Variants in PCDH19 observed in about 807,000 individuals in gnomAD.
PCDH19 encodes protocadherin-19.
A neutral mutation model predicts 46.2 loss-of-function variants in PCDH19; 6 were observed. That is an observed-to-expected ratio of 0.13 (90% CI 0.07 to 0.26). The LOEUF is 0.26. PCDH19 is among the 10% of genes least tolerant of loss of function. The pLI is 1.00. For synonymous variants in PCDH19, 481 were observed against 415.7 expected, an observed-to-expected ratio of 1.16 and a Z score of -1.91; for missense variants, 740 against 972.3, an observed-to-expected ratio of 0.76 and a Z score of 3.18.
chrX:100,296,491 T>C lies in PCDH19; in HGVS notation c.3233A>G (p.Lys1078Arg). The change falls in exon 6 of 6, where the codon AAG becomes AGG. Residue 1078 changes from lysine to arginine, a missense_variant. Transcript: ENST00000373034. ...GGCAATGGTGTAAGACACGGAAGGCTTGGTGGGCAGAGAGCTCTTGAGGTG... is the reference window on the plus strand; with the variant it reads ...GGCAATGGTGTAAGACACGGAAGGCCTGGTGGGCAGAGAGCTCTTGAGGTG... ...PLHLKSSLPT[K>R]PSVSYTIALA... is the part of the protein sequence containing the mutation. 1 of 1,210,831 alleles carries C rather than the reference T, an allele frequency of 8.3e-7. No individual in the cohort carries two copies. Among genetic ancestry groups the C allele is most frequent in the South Asian group, 1.8e-5 (1 of 56,904 alleles).
At chrX:100,362,598 C>T (rs1245183780) in intron 3 of PCDH19, among the ~76,000 whole-genome samples, 2 of 107,186 alleles carry the variant, frequency 1.9e-5, no homozygotes, top group East Asian at 5.9e-4. Flanking sequence ...TTGAGACCAT[C>T]CTGGCTAATA....
intron 3 of PCDH19, among the ~76,000 whole-genome samples, chrX:100,402,011 T>G (rs1198684054): frequency 8.9e-6 from 1 of 112,287 alleles, no homozygotes; most frequent in Non-Finnish European, 1.9e-5. Flanking sequence ...TTGCTTTGCC[T>G]CCCTTTAACC....
At chrX:100,380,128 C>CT (rs1426014740) in intron 3 of PCDH19, among the ~76,000 whole-genome samples, 2 of 112,319 alleles carry the variant, frequency 1.8e-5, no homozygotes, top group African/African-American at 6.5e-5. Context: ...CCTCTTTCCA[C>CT]TTTTTTAACG....
At chrX:100,313,987 G>A (rs773706116) in intron 5 of PCDH19, among the ~76,000 whole-genome samples, 20 of 110,484 alleles carry the variant, frequency 1.8e-4, no homozygotes, top group Admixed American at 3.9e-4. Context: ...GGACATTGGC[G>A]AATGGTTTTA....
At position 100,407,956 on chromosome X, in the gene PCDH19, G is replaced by C; in HGVS notation, c.642C>G (p.Gly214=). The part of the protein sequence containing the change: ...YSFRITALDG[G]DPPRLGTVGL... ...CAACGGTGCCCAGGCGCGGCGGGTC[G>C]CCACCGTCTAGCGCAGTGATTCGGA... The change falls in exon 1 of 6, where the codon GGC becomes GGG. Residue 214 remains glycine (G), a synonymous_variant. Transcript: ENST00000373034. 1 of 1,209,524 alleles carries C rather than the reference G, an allele frequency of 8.3e-7. No homozygotes were observed. Among genetic ancestry groups the C allele is most frequent in the Non-Finnish European group, 1.1e-6 (1 of 895,608 alleles).
At chrX:100,356,341 C>G (rs1203104574) in intron 3 of PCDH19, among the ~76,000 whole-genome samples, 1 of 111,502 alleles carries the variant, frequency 9.0e-6, no homozygotes, top group African/African-American at 3.3e-5. Flanking sequence ...TAACTGCTGA[C>G]TTCCAATAAT....
intron 5 of PCDH19, among the ~76,000 whole-genome samples, chrX:100,305,680 T>A (rs1924923740): frequency 9.0e-6 from 1 of 111,478 alleles, no homozygotes; most frequent in Non-Finnish European, 1.9e-5. Context: ...GAGACTCAAC[T>A]AACACATAGG....
chrX:100,349,491 T>C (rs1353406521), intron 4 of PCDH19, among the ~76,000 whole-genome samples: 2 of 111,996 alleles, frequency 1.8e-5, no homozygotes, highest in Admixed American at 9.5e-5. Context: ...AAACTTAGCA[T>C]GTTTTAGGGG....
intron 4 of PCDH19, among the ~76,000 whole-genome samples, chrX:100,345,186 GTTA>G (rs1479809057): frequency 9.0e-6 from 1 of 111,202 alleles, no homozygotes; most frequent in Admixed American, 9.6e-5. Flanking sequence ...TCCATAAATG[GTTA>G]TTGTTTAATA....
chrX:100,395,584 G>C (rs1373591919), intron 3 of PCDH19, among the ~76,000 whole-genome samples: 1 of 113,117 alleles, frequency 8.8e-6, no homozygotes, highest in African/African-American at 3.2e-5. Flanking sequence ...CATTACTGTA[G>C]AGTGGAAACA....
At chrX:100,325,457 C>T (rs903935537) in intron 5 of PCDH19, among the ~76,000 whole-genome samples, 1 of 107,090 alleles carries the variant, frequency 9.3e-6, no homozygotes, top group Non-Finnish European at 1.9e-5. Flanking sequence ...GCAACCTCCA[C>T]CTCCTGGGTT....
intron 3 of PCDH19, among the ~76,000 whole-genome samples, chrX:100,393,037 A>C (rs1026648789): frequency 1.8e-5 from 2 of 111,651 alleles, no homozygotes. Flanking sequence ...TGCCCAAAAG[A>C]AACAAAAAGA....
chrX:100,371,891 A>C (rs1057146179), intron 3 of PCDH19, among the ~76,000 whole-genome samples: 28 of 92,048 alleles, frequency 3.0e-4, no homozygotes, highest in Admixed American at 2.9e-3. Context: ...CACCCACACA[A>C]AACTTAAAAA....
intron 4 of PCDH19, among the ~76,000 whole-genome samples, chrX:100,343,087 T>C (rs1326501687): frequency 8.9e-6 from 1 of 111,759 alleles, no homozygotes; most frequent in Non-Finnish European, 1.9e-5. Context: ...GTTTGTTCTC[T>C]GCCTTACTGC....
In PCDH19 at chrX:100,342,543, TG is replaced by T. The variant is rs1171681096; in HGVS notation, c.2676-469del. Among the ~76,000 whole-genome samples, 3 of 111,558 alleles carry T rather than the reference TG, an allele frequency of 2.7e-5. No individual in the cohort carries two copies. The East Asian group carries it at 8.4e-4, about 31-fold the overall frequency. On this transcript the variant is annotated intron_variant, in intron 4 of 5. Coordinates refer to ENST00000373034, the MANE Select transcript of PCDH19 (RefSeq NM_001184880.2). ...TGCTACTAATATTCTCATTTGCAGA[TG>T]AAAAAAAACAGAGGTACATGGAAGT...
chrX:100,363,886 T>TGTGTGAGAGA lies in PCDH19; in HGVS notation c.2617-13183_2617-13182insTCTCTCACAC, dbSNP rs1207488480. Among the ~76,000 whole-genome samples, 349 of 98,035 alleles carry TGTGTGAGAGA rather than the reference T, an allele frequency of 3.6e-3. 5 individuals are homozygous for TGTGTGAGAGA. Among genetic ancestry groups the TGTGTGAGAGA allele is most frequent in the Middle Eastern group, 0.017 (3 of 172 alleles). The allele number at this position is 98,035 out of a possible 115,157, so 85.1% of individuals were successfully genotyped here. On this transcript the variant is annotated intron_variant, in intron 3 of 5. Coordinates refer to ENST00000373034, the MANE Select transcript of PCDH19 (RefSeq NM_001184880.2). ...GTGTGTGTGTGTGTGTGTGTGTGTG[T>TGTGTGAGAGA]GAGAGAGAGGGAGAGGGAGAGAGAA...
At chrX:100,365,130 TG>T (rs200694658) in intron 3 of PCDH19, among the ~76,000 whole-genome samples, 29,167 of 110,509 alleles carry the variant, frequency 0.26, 3,144 homozygotes, top group Middle Eastern at 0.52. Context: ...ATATAGCAAT[TG>T]TTTTTTTTTA....
rs1444947830 is a variant in PCDH19, at chrX:100,403,509, G to A, written c.2288+15C>T. 5.8e-6 allele frequency: 7 copies of A among 1,207,372 alleles called. No individual in the cohort carries two copies. Among genetic ancestry groups the A allele is most frequent in the South Asian group, 1.8e-5 (1 of 56,712 alleles). On this transcript the variant is annotated intron_variant, in intron 2 of 5. Transcript: ENST00000373034. ...ATAGCCAAACCCATTTAAATGAGGG[G>A]AAATGCCTTTTTACCTCTTTCCCCT...
At chrX:100,363,886 T>TGTGTGTGTGA (rs1207488480) in intron 3 of PCDH19, among the ~76,000 whole-genome samples, 1,516 of 97,987 alleles carry the variant, frequency 0.015, 20 homozygotes, top group Non-Finnish European at 0.02. Flanking sequence ...TGTGTGTGTG[T>TGTGTGTGTGA]GAGAGAGAGG....
Sources: gnomAD v4.1 joint callset for allele counts (sites outside exome capture counted in the v4.1 genomes callset) on GRCh38, gnomAD v4.1.1 for gene constraint, MANE v1.5 for transcripts, NCBI Gene and HGNC (gene_info 2026-07-23, HGNC 2026-07-21) for gene names.